Variants in PDZRN3 observed in about 807,000 individuals in gnomAD.
The protein encoded by PDZRN3 is E3 ubiquitin-protein ligase PDZRN3.
A neutral mutation model predicts 85.7 loss-of-function variants in PDZRN3; 38 were observed. The ratio of observed to expected loss-of-function variants is 0.44; its 90% CI spans 0.34 to 0.58. The LOEUF is 0.58. Ranked by LOEUF, PDZRN3 falls within the 20% of genes least tolerant of loss-of-function variation. PDZRN3 has a pLI of 0.01. For missense variants in PDZRN3, 1,629 were observed against 1,506.4 expected, an observed-to-expected ratio of 1.08 and a Z score of -1.35; for synonymous variants, 759 against 638.0, an observed-to-expected ratio of 1.19 and a Z score of -2.86.
In PDZRN3 at chr3:73,384,666, C is replaced by A. The variant is rs367754231; in HGVS notation, c.1900G>T (p.Asp634Tyr). 6.2e-7 allele frequency: 1 copy of A among 1,613,870 alleles called. No homozygotes were observed. Among genetic ancestry groups the A allele is most frequent in the African/African-American group, 1.3e-5 (1 of 74,944 alleles). Residue 634 changes from aspartate to tyrosine, a missense_variant, in exon 10 of 10, where the codon GAC (aspartate) becomes TAC (tyrosine). By Grantham distance (160) the Asp-to-Tyr change is radical. Transcript: ENST00000263666. ...SFISADCTDA[D>Y]YLGIPVDECE... ...TCGTCCACCGGGATCCCCAGGTAGT[C>A]GGCGTCCGTGCAGTCGGCCGAAATG...
chr3:73,421,591 C>G (rs189561340), intron 3 of PDZRN3, among the ~76,000 whole-genome samples: 31 of 152,318 alleles, frequency 2.0e-4, no homozygotes, highest in Non-Finnish European at 3.5e-4. Context: ...TGAACTTCCA[C>G]TTGAGCAAGA....
Position 73,565,474 on chromosome 3 carries a change from T to C in PDZRN3, c.918+36880A>G, listed in dbSNP as rs189767934. Among the ~76,000 whole-genome samples the C allele has an allele frequency of 2.0e-3, 303 of 152,176 alleles. 2 individuals are homozygous for C. The highest frequency in any genetic ancestry group is 7.0e-3 in the African/African-American group (290 of 41,494). The stretch of plus-strand genomic sequence containing the variant: ...GAAGTGAACAAGTCACTTAATCTCT[T>C]TAGGCCTCATCTGAAAAGGAGAGAA... On this transcript the variant is annotated intron_variant, in intron 3 of 9. Coordinates refer to ENST00000263666, the MANE Select transcript of PDZRN3 (RefSeq NM_015009.3).
rs1291178271 is a variant in PDZRN3 at position 73,384,914 on chromosome 3, T to G, written c.1652A>C (p.Asp551Ala). 6.2e-7 allele frequency: 1 copy of G among 1,602,376 alleles called. No individual in the cohort carries two copies. The highest frequency in any genetic ancestry group is 8.5e-7 in the Non-Finnish European group (1 of 1,173,182). The change falls in exon 10 of 10, where the codon GAC becomes GCC. Residue 551 changes from aspartate (D) to alanine (A), a missense_variant. Coordinates refer to ENST00000263666, the MANE Select transcript of PDZRN3 (RefSeq NM_015009.3). ...SVLQQKKHDE[D>A]GGTTDTATIL... ...GGTGGCTGTATCTGTGGTCCCACCGTCTTCGTCGTGCTTCTTCTGCATAAA... is the reference window on the plus strand; with the variant it reads ...GGTGGCTGTATCTGTGGTCCCACCGGCTTCGTCGTGCTTCTTCTGCATAAA...
At chr3:73,390,888 T>C (rs1163621435) in intron 6 of PDZRN3, 130 bp downstream of exon 6, 1 of 647,128 alleles carries the variant, frequency 1.5e-6, no homozygotes, top group East Asian at 2.6e-5. Context: ...TGGAGTGTGA[T>C]GAGGGGGACA....
intron 3 of PDZRN3, among the ~76,000 whole-genome samples, chr3:73,581,470 G>T (rs1281961106): frequency 2.6e-5 from 4 of 152,084 alleles, no homozygotes; most frequent in African/African-American, 9.7e-5. Context: ...AGAAATATCT[G>T]CTTATTGTGG....
chr3:73,419,493 G>A (rs192632889), intron 3 of PDZRN3, among the ~76,000 whole-genome samples: 3 of 152,280 alleles, frequency 2.0e-5, no homozygotes, highest in East Asian at 1.9e-4. Context: ...CCCTGCACAC[G>A]CAACGGCAGA....
chr3:73,568,042 A>G (rs951491756), intron 3 of PDZRN3, among the ~76,000 whole-genome samples: 2 of 152,238 alleles, frequency 1.3e-5, no homozygotes, highest in Admixed American at 1.3e-4. Context: ...CAATAGAGAA[A>G]TCAGGCATGG....
intron 3 of PDZRN3, among the ~76,000 whole-genome samples, chr3:73,482,732 C>T (rs1028818663): frequency 2.0e-5 from 3 of 152,136 alleles, no homozygotes; most frequent in African/African-American, 7.2e-5. Context: ...CCCCCAGCAA[C>T]AAAAGTAAAG....
intron 3 of PDZRN3, among the ~76,000 whole-genome samples, chr3:73,496,940 C>A (rs1703878979): frequency 6.6e-6 from 1 of 152,244 alleles, no homozygotes; most frequent in East Asian, 1.9e-4. Flanking sequence ...GAATCATTAA[C>A]GTATGGGCAC....
chr3:73,589,211 C>T lies in PDZRN3; in HGVS notation c.918+13143G>A, dbSNP rs369844860. 3.5e-4 allele frequency among the ~76,000 whole-genome samples: 53 copies of T among 152,190 alleles called. No individual in the cohort carries two copies. In the South Asian group the frequency reaches 0.011, roughly 30 times the overall value. Reference sequence around the variant, plus strand: ...TTTGGTTTGTATTTGTCACAAGCAACGTGCTTAATCAAGACTGGAAGAAGC... The same window carrying T: ...TTTGGTTTGTATTTGTCACAAGCAATGTGCTTAATCAAGACTGGAAGAAGC... On this transcript the variant is annotated intron_variant, in intron 3 of 9. Coordinates refer to ENST00000263666, the MANE Select transcript of PDZRN3 (RefSeq NM_015009.3).
At chr3:73,426,900 C>G (rs1702326733) in intron 3 of PDZRN3, among the ~76,000 whole-genome samples, 1 of 152,152 alleles carries the variant, frequency 6.6e-6, no homozygotes, top group Admixed American at 6.6e-5. Context: ...AGAGACTCTT[C>G]CACAGTCAAA....
rs114079344 is a variant in PDZRN3, at chr3:73,435,594, C to G, written c.919-31199G>C. ...TATTTCTTCACTCTCCTTGCCTCATCCCCACCCTTGGTCCATCAGTGAGTC... is the reference window on the plus strand; with the variant it reads ...TATTTCTTCACTCTCCTTGCCTCATGCCCACCCTTGGTCCATCAGTGAGTC... On this transcript the variant is annotated intron_variant, in intron 3 of 9. Coordinates refer to ENST00000263666, the MANE Select transcript of PDZRN3 (RefSeq NM_015009.3). Among the ~76,000 whole-genome samples, 801 of 152,264 alleles carry G rather than the reference C, an allele frequency of 5.3e-3. 5 individuals carry two copies. The highest frequency in any genetic ancestry group is 0.018 in the African/African-American group (761 of 41,544).
intron 1 of PDZRN3, among the ~76,000 whole-genome samples, chr3:73,610,121 A>G (rs1702660188): frequency 6.6e-6 from 1 of 152,240 alleles, no homozygotes; most frequent in Non-Finnish European, 1.5e-5. Context: ...AACATCAATT[A>G]GAAATACACT....
chr3:73,605,772 C>A (rs545354267), intron 2 of PDZRN3, among the ~76,000 whole-genome samples: 81 of 152,244 alleles, frequency 5.3e-4, no homozygotes, highest in African/African-American at 1.9e-3. Flanking sequence ...CTAATCAGGG[C>A]AAATTTTGAA....
intron 3 of PDZRN3, among the ~76,000 whole-genome samples, chr3:73,528,745 G>A (rs962843347): frequency 2.6e-5 from 4 of 152,106 alleles, no homozygotes; most frequent in Admixed American, 6.5e-5. Flanking sequence ...ACTAGATTGC[G>A]GGACTGGATA....
intron 3 of PDZRN3, among the ~76,000 whole-genome samples, chr3:73,577,033 T>C (rs1381826876): frequency 6.6e-6 from 1 of 152,238 alleles, no homozygotes; most frequent in Non-Finnish European, 1.5e-5. Context: ...TTTTGGGACA[T>C]GACTAAATTA....
chr3:73,508,094 A>T (rs1704100097), intron 3 of PDZRN3, among the ~76,000 whole-genome samples: 1 of 152,114 alleles, frequency 6.6e-6, no homozygotes, highest in African/African-American at 2.4e-5. Context: ...GTCTCAAAAA[A>T]AAAAGAGATG....
chr3:73,544,160 C>A (rs866263069), intron 3 of PDZRN3, among the ~76,000 whole-genome samples: 1 of 152,192 alleles, frequency 6.6e-6, no homozygotes, highest in Non-Finnish European at 1.5e-5. Flanking sequence ...TTGCAGTGAG[C>A]CAAGATTGCA....
intron 3 of PDZRN3, among the ~76,000 whole-genome samples, chr3:73,436,796 C>T (rs1052724606): frequency 2.0e-5 from 3 of 151,816 alleles, no homozygotes; most frequent in Admixed American, 6.6e-5. Flanking sequence ...GCCTGTAATC[C>T]CAGCACTTTG....
Sources: allele counts gnomAD v4.1 joint callset (sites outside exome capture counted in the v4.1 genomes callset), GRCh38; gene constraint gnomAD v4.1.1; transcripts MANE v1.5; gene names NCBI Gene and HGNC (gene_info 2026-07-23, HGNC 2026-07-21).